The following TOGARAM1 variants were observed in gnomAD, a reference collection of about 807,000 sequenced individuals.
TOGARAM1 encodes the protein TOG array regulator of axonemal microtubules 1, also known as TOG array regulator of axonemal microtubules protein 1.
Under a neutral mutation model 166.6 loss-of-function variants are expected in TOGARAM1, and 100 were observed. That is an observed-to-expected ratio of 0.60 (90% CI 0.51 to 0.71). The LOEUF (loss-of-function observed/expected upper bound fraction) is 0.71. Among genes scored for constraint, TOGARAM1 ranks in the 30% least tolerant of loss-of-function variants. The pLI is 0.00. For synonymous variants in TOGARAM1, 758 were observed against 763.8 expected (o/e 0.99, Z 0.13); for missense variants, 2,029 against 2,102.7 (o/e 0.96, Z 0.69).
chr14:45,038,773 G>A (rs1384008682), intron 11 of TOGARAM1, among the ~76,000 whole-genome samples: 1 of 152,194 alleles, frequency 6.6e-6, no homozygotes, highest in African/African-American at 2.4e-5. Context: ...TTTCATCCAT[G>A]TTTGTGTTAC....
chr14:45,016,586 G>A (rs991334273), intron 7 of TOGARAM1, among the ~76,000 whole-genome samples: 1 of 152,152 alleles, frequency 6.6e-6, no homozygotes, highest in Non-Finnish European at 1.5e-5. Flanking sequence ...TGATGGAGGT[G>A]GGGGCTTGCT....
In TOGARAM1 at chr14:45,066,436, T is replaced by C. The variant is rs1171871383; in HGVS notation, c.4560-142T>C. 11 of 607,406 alleles carry C rather than the reference T, an allele frequency of 1.8e-5. No individual in the cohort carries two copies. The Admixed American group carries it at 2.1e-4, about 12-fold the overall frequency. The allele number at this position is 607,406 out of a possible 1,614,324, so 37.6% of individuals were successfully genotyped here. On this transcript the variant is annotated intron_variant, in intron 16 of 19. Coordinates refer to ENST00000361462, the MANE Select transcript of TOGARAM1 (RefSeq NM_001308120.2). ...TCCTGGGGACCCCCAGGAGAGATACTGTGGCTATGGGTTAGCCACAGTTTT... is the reference window on the plus strand; with the variant it reads ...TCCTGGGGACCCCCAGGAGAGATACCGTGGCTATGGGTTAGCCACAGTTTT...
At chr14:45,043,847 G>A in intron 12 of TOGARAM1, 56 bp downstream of exon 12, 1 of 1,013,436 alleles carries the variant, frequency 9.9e-7, no homozygotes, top group South Asian at 1.3e-5. Context: ...GGATAAATAT[G>A]CTATGTTTAT....
At chr14:44,973,593 T>C (rs1886016594) in intron 1 of TOGARAM1, among the ~76,000 whole-genome samples, 1 of 148,004 alleles carries the variant, frequency 6.8e-6, no homozygotes, top group Non-Finnish European at 1.5e-5. Flanking sequence ...TCTCTCTCTC[T>C]CTCTATATAT....
chr14:45,014,647 A>T (rs1238186724), intron 7 of TOGARAM1, among the ~76,000 whole-genome samples: 2 of 152,186 alleles, frequency 1.3e-5, no homozygotes, highest in African/African-American at 4.8e-5. Flanking sequence ...AATAACAATT[A>T]TTTTAAAATT....
chr14:45,004,924 GA>G (rs1887876025), intron 4 of TOGARAM1, among the ~76,000 whole-genome samples: 1 of 151,802 alleles, frequency 6.6e-6, no homozygotes, highest in Non-Finnish European at 1.5e-5. Flanking sequence ...AAATTAATTT[GA>G]AACTTTTTTT....
chr14:45,000,545 ATGGC>A (rs1887649007), intron 3 of TOGARAM1, among the ~76,000 whole-genome samples: 1 of 152,108 alleles, frequency 6.6e-6, no homozygotes, highest in Non-Finnish European at 1.5e-5. Context: ...CATTCTTTAT[ATGGC>A]TCAATAGTTC....
rs1887842435 is a variant in TOGARAM1, at chr14:45,004,281, T to C, written c.2559T>C (p.Leu853=). 1.2e-6 allele frequency: 2 copies of C among 1,613,994 alleles called. No individual in the cohort carries two copies. Among genetic ancestry groups the C allele is most frequent in the African/African-American group, 1.3e-5 (1 of 74,928 alleles). The change falls in exon 4 of 20, where the codon CTT becomes CTC. Residue 853 remains leucine, a synonymous_variant. Coordinates refer to ENST00000361462, the MANE Select transcript of TOGARAM1 (RefSeq NM_001308120.2). ...NSVNFSNSWP[L]KSFEGLSKPS... ...TTAATTTCTCAAATTCCTGGCCTCT[T>C]AAAAGCTTCGAAGGACTATCAAAGC... is the stretch of plus-strand genomic sequence containing the variant.
At position 44,973,639 on chromosome 14, in the gene TOGARAM1, A is replaced by G. The variant is rs192978872; in HGVS notation, c.2046+9172A>G. On this transcript the variant is annotated intron_variant, in intron 1 of 19. Coordinates refer to ENST00000361462, the MANE Select transcript of TOGARAM1 (RefSeq NM_001308120.2). ...ATATCTCTCTCCAGGTTTTTGACCT[A>G]TATAATTTTCCTTTTCTCTGAAAAA... Among the ~76,000 whole-genome samples the G allele has an allele frequency of 1.5e-4, 23 of 151,416 alleles. No individual in the cohort carries two copies. In the East Asian group the frequency reaches 2.9e-3, roughly 19 times the overall value.
intron 19 of TOGARAM1, among the ~76,000 whole-genome samples, chr14:45,072,823 T>C (rs1394853114): frequency 6.6e-6 from 1 of 151,714 alleles, no homozygotes; most frequent in Non-Finnish European, 1.5e-5. Flanking sequence ...ATTTCATTAG[T>C]AAAACGTGAA....
chr14:45,028,443 C>A, intron 10 of TOGARAM1, 114 bp downstream of exon 10: 2 of 1,123,708 alleles, frequency 1.8e-6, no homozygotes, highest in Non-Finnish European at 1.3e-6. Flanking sequence ...TTATATAACA[C>A]CGAAATTTGC....
chr14:44,987,447 A>C lies in TOGARAM1; in HGVS notation c.2047-8299A>C, dbSNP rs181149000. Among the ~76,000 whole-genome samples the C allele has an allele frequency of 1.7e-3, 262 of 152,336 alleles. 1 individual carries two copies. Among genetic ancestry groups the C allele is most frequent in the African/African-American group, 6.2e-3 (258 of 41,578 alleles). ...AACCCCATCAACAAGTGGGCAAAGG[A>C]TATGAACAGACACTTCTCAAAAGAA... On this transcript the variant is annotated intron_variant, in intron 1 of 19. Coordinates refer to ENST00000361462, the MANE Select transcript of TOGARAM1 (RefSeq NM_001308120.2).
intron 1 of TOGARAM1, among the ~76,000 whole-genome samples, chr14:44,993,306 AAAAC>A (rs1298936983): frequency 6.6e-6 from 1 of 151,820 alleles, no homozygotes; most frequent in African/African-American, 2.4e-5. Context: ...AACAAAAACA[AAAAC>A]AAAAACAAAA....
intron 7 of TOGARAM1, among the ~76,000 whole-genome samples, chr14:45,017,199 C>T (rs1291416247): frequency 6.6e-6 from 1 of 152,106 alleles, no homozygotes; most frequent in Non-Finnish European, 1.5e-5. Flanking sequence ...AGTGAGAATT[C>T]TCAGTTTTGA....
intron 1 of TOGARAM1, among the ~76,000 whole-genome samples, chr14:44,987,529 G>C (rs1366329163): frequency 2.0e-5 from 3 of 152,072 alleles, no homozygotes; most frequent in African/African-American, 4.8e-5. Context: ...GGCCATCAGA[G>C]AAATGCAAAT....
chr14:44,968,597 A>C (rs762422932), intron 1 of TOGARAM1, among the ~76,000 whole-genome samples: 1 of 152,180 alleles, frequency 6.6e-6, no homozygotes, highest in Non-Finnish European at 1.5e-5. Context: ...CTTTCAACAG[A>C]GAGTACAGAT....
At position 44,964,281 on chromosome 14, in the gene TOGARAM1, G is replaced by A. The variant is rs961247182; in HGVS notation, c.1860G>A (p.Gln620=). The stretch of plus-strand genomic sequence containing the variant: ...GGCTTTTGGCTGGTAACAGAACTCA[G>A]AGTGCACACTGTCACTGTGGTGACC... ...TDWLLAGNRT[Q]SAHCHCGDHV... The change falls in exon 1 of 20, where the codon CAG becomes CAA. Residue 620 remains glutamine (Q), a synonymous_variant. Transcript: ENST00000361462. 6.2e-7 allele frequency: 1 copy of A among 1,614,180 alleles called. No homozygotes were observed.
intron 1 of TOGARAM1, among the ~76,000 whole-genome samples, chr14:44,992,326 C>T (rs1025320937): frequency 6.6e-6 from 1 of 151,802 alleles, no homozygotes; most frequent in Non-Finnish European, 1.5e-5. Context: ...TTGTTTAATG[C>T]CCAGCATTAA....
intron 18 of TOGARAM1, among the ~76,000 whole-genome samples, chr14:45,069,716 C>A (rs1594711195): frequency 1.3e-5 from 2 of 152,160 alleles, no homozygotes; most frequent in South Asian, 4.2e-4. Flanking sequence ...AGTGACAATA[C>A]AAAATGCTGA....
Sources: gnomAD v4.1 joint callset for allele counts (sites outside exome capture counted in the v4.1 genomes callset) on GRCh38, gnomAD v4.1.1 for gene constraint, MANE v1.5 for transcripts, NCBI Gene and HGNC (gene_info 2026-07-23, HGNC 2026-07-21) for gene names.